THBS2: variants seen among roughly 807,000 people sequenced by gnomAD.
THBS2 encodes thrombospondin 2, also known as thrombospondin-2.
In THBS2, 47 loss-of-function variants were observed where a neutral mutation model predicts 135.2. That is an observed-to-expected ratio of 0.35 (90% CI 0.28 to 0.44). The LOEUF (loss-of-function observed/expected upper bound fraction) is 0.44, where lower values mean the gene tolerates loss of function less well. THBS2 is among the 20% of genes least tolerant of loss of function. The probability of loss-of-function intolerance (pLI) is 1.00; values close to 1 mark genes in which losing one functional copy is unlikely to be tolerated. For synonymous variants in THBS2, 639 were observed against 633.8 expected (o/e 1.01, Z -0.12); for missense variants, 1,288 against 1,603.1 (o/e 0.80, Z 3.36).
chr6:169,228,346 A>G, intron 14 of THBS2, 65 bp from the exon 15 acceptor site: 1 of 1,571,368 alleles, frequency 6.4e-7, no homozygotes, highest in Non-Finnish European at 8.7e-7. Context: ...GCCGTTTAGC[A>G]CTTATAAGTT....
Position 169,250,764 on chromosome 6 carries a change from C to T in THBS2, c.21G>A (p.Leu7=), listed in dbSNP as rs1427152759. 2 of 1,613,592 alleles carry T rather than the reference C, an allele frequency of 1.2e-6. No individual in the cohort carries two copies. The highest frequency in any genetic ancestry group is 2.2e-5 in the East Asian group (1 of 44,862). The change falls in exon 2 of 22, where the codon CTG becomes CTA. Residue 7 remains leucine (L), a synonymous_variant. Transcript: ENST00000617924. MVWRLV[L]LALWVWPSTQ... is the part of the protein sequence containing the mutation. ...TGCTGGGCCACACCCACAGAGCCAGCAGGACCAGCCTCCAGACCATCCTGC... is the reference window on the plus strand; with the variant it reads ...TGCTGGGCCACACCCACAGAGCCAGTAGGACCAGCCTCCAGACCATCCTGC...
intron 13 of THBS2, 31 bp downstream of exon 13, chr6:169,231,949 C>T: frequency 1.2e-6 from 2 of 1,607,950 alleles, no homozygotes; most frequent in Non-Finnish European, 1.7e-6. Context: ...ACCGCCGTGG[C>T]CCCGTGTGCC....
rs993151707 is a variant in THBS2 at position 169,217,062 on chromosome 6, T to G, written c.*760A>C. 2.0e-5 allele frequency: 3 copies of G among 152,228 alleles called. No homozygotes were observed. The highest frequency in any genetic ancestry group is 7.2e-5 in the African/African-American group (3 of 41,456). 9.4% of individuals were successfully genotyped at this position (152,228 alleles called of 1,614,324 possible). A position where few individuals can be genotyped will look rare whatever the true frequency, so the allele number is the denominator to read the frequency against. On this transcript the variant is annotated 3_prime_UTR_variant, in exon 22 of 22. Transcript: ENST00000617924. ...GCACCGCACTTTGCTCTGCTAACCT[T>G]TTACTTAAATGAGGTTTTGCCAAAT... is the stretch of plus-strand genomic sequence containing the variant.
rs1779372799 is a variant in THBS2, at chr6:169,220,185, T to G, written c.3511+13A>C. ...ACATGCCTTCCCCACTAACCTGAAGTGCTCACACTCACCTCTGCATTCGTA... is the reference window on the plus strand; with the variant it reads ...ACATGCCTTCCCCACTAACCTGAAGGGCTCACACTCACCTCTGCATTCGTA... On this transcript the variant is annotated intron_variant, in intron 21 of 21. Coordinates refer to ENST00000617924, the MANE Select transcript of THBS2 (RefSeq NM_003247.5). 6.2e-7 allele frequency: 1 copy of G among 1,611,852 alleles called. No homozygotes were observed.
At chr6:169,225,072 A>G (rs1323832347) in intron 17 of THBS2, 73 bp downstream of exon 17, 17 of 1,424,598 alleles carry the variant, frequency 1.2e-5, no homozygotes, top group Non-Finnish European at 1.7e-5. Context: ...ATCTCCGTGC[A>G]TACATATCTC....
rs538276188 is a variant in THBS2 at position 169,222,144 on chromosome 6, C to T, written c.3273+53G>A. 226 of 1,536,286 alleles carry T rather than the reference C, an allele frequency of 1.5e-4. 2 individuals are homozygous for T. The South Asian group carries it at 2.7e-3, about 18-fold the overall frequency. On this transcript the variant is annotated intron_variant, in intron 19 of 21. Coordinates refer to ENST00000617924, the MANE Select transcript of THBS2 (RefSeq NM_003247.5). Reference sequence around the variant, plus strand: ...ACTGGGCTAGTCCTGCTGAAACACTCTGCAGCCACAGTGGTGCAGAGGAGA... The same window carrying T: ...ACTGGGCTAGTCCTGCTGAAACACTTTGCAGCCACAGTGGTGCAGAGGAGA...
intron 2 of THBS2, among the ~76,000 whole-genome samples, chr6:169,249,765 TC>T (rs752866481): frequency 3.3e-5 from 5 of 152,174 alleles, no homozygotes; most frequent in Non-Finnish European, 5.9e-5. Context: ...GCGCGGTGGC[TC>T]ACACCTGTAA....
chr6:169,250,902 A>G, intron 1 of THBS2, 96 bp from the exon 2 acceptor site: 1 of 740,258 alleles, frequency 1.4e-6, no homozygotes, highest in South Asian at 2.4e-5. Flanking sequence ...CCATTGAATA[A>G]CAGTTTGCAT....
Position 169,241,821 on chromosome 6 carries a change from G to C in THBS2, c.832C>G (p.Gln278Glu). 6.2e-7 allele frequency: 1 copy of C among 1,612,846 alleles called. No homozygotes were observed. Among genetic ancestry groups the C allele is most frequent in the Non-Finnish European group, 8.5e-7 (1 of 1,179,942 alleles). Residue 278 changes from glutamine to glutamate, a missense_variant, in exon 5 of 22, where the codon CAG (glutamine) becomes GAG (glutamate). By Grantham distance (29) the Gln-to-Glu change is conservative (BLOSUM62 2). Transcript: ENST00000617924. The surrounding 1 kb of genome is among the most constrained non-coding windows in gnomAD (Gnocchi z 5.5). ...RSCEELGNMV[Q>E]ELSGLHVLVN... Reference sequence around the variant, plus strand: ...AGGACGTGGAGCCCCGAGAGCTCCTGGACCATGTTTCCCAGCTCCTCGCAC... The same window carrying C: ...AGGACGTGGAGCCCCGAGAGCTCCTCGACCATGTTTCCCAGCTCCTCGCAC...
chr6:169,231,938 G>T, intron 13 of THBS2, 42 bp downstream of exon 13: 1 of 1,601,594 alleles, frequency 6.2e-7, no homozygotes, highest in South Asian at 1.1e-5. Flanking sequence ...GAGGAGGGCT[G>T]ACCGCCGTGG....
chr6:169,229,802 T>C, intron 13 of THBS2, 123 bp from the exon 14 acceptor site: 1 of 725,428 alleles, frequency 1.4e-6, no homozygotes, highest in Non-Finnish European at 2.3e-6. Context: ...GTCCTCGATC[T>C]CAAGCGGGAG....
intron 2 of THBS2, among the ~76,000 whole-genome samples, chr6:169,249,817 T>C (rs971480666): frequency 1.3e-5 from 2 of 152,048 alleles, no homozygotes; most frequent in African/African-American, 4.8e-5. Context: ...GATCATGAGG[T>C]CAGGAGACGG....
chr6:169,237,443 G>A lies in THBS2; in HGVS notation c.1301-97C>T, dbSNP rs80153804. ...ATTAACCGAGGAGCATCTCACAGCT[G>A]CTGAGGAGAGGGAAGGAGAACCCCT... On this transcript the variant is annotated intron_variant, in intron 8 of 21. Transcript: ENST00000617924. 33 of 1,522,738 alleles carry A rather than the reference G, an allele frequency of 2.2e-5. No individual in the cohort carries two copies. The East Asian group carries it at 4.1e-4, about 19-fold the overall frequency. 94.3% of individuals were successfully genotyped at this position (1,522,738 alleles called of 1,614,324 possible).
At chr6:169,224,944 G>A (rs934758897) in intron 17 of THBS2, among the ~76,000 whole-genome samples, 3 of 152,164 alleles carry the variant, frequency 2.0e-5, no homozygotes, top group African/African-American at 7.2e-5. Flanking sequence ...CTGTTGAAGG[G>A]CACACACACA....
rs139479522 is a variant in THBS2, at chr6:169,241,109, G to A, written c.892-517C>T. On this transcript the variant is annotated intron_variant, in intron 5 of 21. Transcript: ENST00000617924. This position sits in a 1 kb window ranked among gnomAD's most constrained non-coding sequence, Gnocchi z 5.5. Reference sequence around the variant, plus strand: ...TCCCTGCCCTGGGCTCCATCTCCTGGCATCATTTACTTCATGCCCTCTGGG... The same window carrying A: ...TCCCTGCCCTGGGCTCCATCTCCTGACATCATTTACTTCATGCCCTCTGGG... Among the ~76,000 whole-genome samples, 3 of 151,930 alleles carry A rather than the reference G, an allele frequency of 2.0e-5. No homozygotes were observed. The highest frequency in any genetic ancestry group is 4.4e-5 in the Non-Finnish European group (3 of 67,966).
At chr6:169,233,077 C>T (rs1213553021) in intron 10 of THBS2, 60 bp from the exon 11 acceptor site, 3 of 1,445,002 alleles carry the variant, frequency 2.1e-6, no homozygotes, top group South Asian at 1.4e-5. Flanking sequence ...AGAAGGAAGC[C>T]CGCCCTGTGG....
chr6:169,217,963 T>C, intron 21 of THBS2, 134 bp from the exon 22 acceptor site: 2 of 789,538 alleles, frequency 2.5e-6, no homozygotes, highest in Non-Finnish European at 3.8e-6. Context: ...GATGGATGGA[T>C]GGATGGATGA....
At chr6:169,220,865 C>T (rs1779401526) in intron 20 of THBS2, among the ~76,000 whole-genome samples, 1 of 152,214 alleles carries the variant, frequency 6.6e-6, no homozygotes, top group African/African-American at 2.4e-5. Context: ...CAGATCTGCC[C>T]TCTATTGCCA....
chr6:169,246,450 T>C (rs1780559543), intron 3 of THBS2, among the ~76,000 whole-genome samples, 169 bp from the exon 4 acceptor site: 1 of 152,230 alleles, frequency 6.6e-6, no homozygotes, highest in Non-Finnish European at 1.5e-5. Flanking sequence ...CTGTATATAG[T>C]ACTTTTGAAA....
Sources: allele counts gnomAD v4.1 joint callset (sites outside exome capture counted in the v4.1 genomes callset), GRCh38; gene constraint gnomAD v4.1.1; non-coding constraint Gnocchi (gnomAD v3.1); transcripts MANE v1.5; gene names NCBI Gene and HGNC (gene_info 2026-07-23, HGNC 2026-07-21).